Variants in DYM observed in about 807,000 individuals in gnomAD.
DYM encodes dymeclin, also known as dyggve-Melchior-Clausen syndrome protein.
A neutral mutation model predicts 93.1 loss-of-function variants in DYM; 78 were observed. The ratio of observed to expected loss-of-function variants is 0.84; its 90% CI spans 0.70 to 1.01. DYM has a LOEUF of 1.01. DYM is among the 50% of genes least tolerant of loss of function. The probability of loss-of-function intolerance (pLI) is 0.00; values close to 1 mark genes in which losing one functional copy is unlikely to be tolerated. For synonymous variants in DYM, 321 were observed against 319.7 expected (o/e 1.00, Z -0.04); for missense variants, 789 against 845.0 (o/e 0.93, Z 0.82).
chr18:49,196,127 T>C (rs2091428776), intron 14 of DYM, among the ~76,000 whole-genome samples: 1 of 152,028 alleles, frequency 6.6e-6, no homozygotes, highest in Non-Finnish European at 1.5e-5. Context: ...GGTTTCGCCA[T>C]GTTGGCCAGG....
chr18:49,276,640 A>G (rs1239798988), intron 10 of DYM, among the ~76,000 whole-genome samples: 1 of 152,198 alleles, frequency 6.6e-6, no homozygotes, highest in Non-Finnish European at 1.5e-5. Flanking sequence ...ATAAAGAATA[A>G]AAAGAACATA....
intron 13 of DYM, among the ~76,000 whole-genome samples, chr18:49,243,723 AG>A (rs1452912368): frequency 1.3e-5 from 2 of 151,688 alleles, no homozygotes. Context: ...CAGTCTCTTT[AG>A]TTTCTCAGAG....
intron 7 of DYM, among the ~76,000 whole-genome samples, chr18:49,332,859 A>C (rs1177563204): frequency 1.3e-5 from 2 of 152,194 alleles, no homozygotes; most frequent in Non-Finnish European, 2.9e-5. Flanking sequence ...TGTTTCAGCA[A>C]AGATGCACAC....
At chr18:49,356,869 G>C (rs2065615653) in intron 6 of DYM, among the ~76,000 whole-genome samples, 1 of 152,102 alleles carries the variant, frequency 6.6e-6, no homozygotes, top group Admixed American at 6.5e-5. Context: ...TTATAAATAA[G>C]ATTCTCAGTT....
At position 49,286,485 on chromosome 18, in the gene DYM, C is replaced by T; in HGVS notation, c.895G>A (p.Asp299Asn). 1.2e-6 allele frequency: 2 copies of T among 1,614,172 alleles called. No homozygotes were observed. The highest frequency in any genetic ancestry group is 1.7e-6 in the Non-Finnish European group (2 of 1,180,006). The change falls in exon 9 of 18, where the codon GAT (aspartate) becomes AAT (asparagine). Residue 299 changes from aspartate to asparagine, a missense_variant. Physicochemically the swap from Asp to Asn is conservative, Grantham distance 23. Around this residue, in one of 3 missense-constraint regions of DYM, gnomAD observed 450 missense variants for 436.2 expected, o/e 1.03. Transcript: ENST00000675505. ...GCTTGTCTGTAGGGGTTTGGCGCAT[C>T]TGAGGCATCTGTCAGATTGGCCAAC... ...LVLANLTDAS[D>N]APNPYRQAIM...
chr18:49,238,739 C>T (rs2093947271), intron 13 of DYM, among the ~76,000 whole-genome samples: 4 of 151,334 alleles, frequency 2.6e-5, no homozygotes, highest in Non-Finnish European at 4.4e-5. Context: ...TTGCAGTGAG[C>T]TGAGACCATG....
intron 6 of DYM, among the ~76,000 whole-genome samples, chr18:49,339,736 A>G (rs2063949369): frequency 6.6e-6 from 1 of 152,078 alleles, no homozygotes; most frequent in African/African-American, 2.4e-5. Flanking sequence ...CAGATCTCTG[A>G]CCCTAAAAAA....
At chr18:49,178,909 C>A (rs2089651778) in intron 14 of DYM, among the ~76,000 whole-genome samples, 1 of 152,114 alleles carries the variant, frequency 6.6e-6, no homozygotes, top group East Asian at 1.9e-4. Context: ...ATGTAACCCC[C>A]CCACCACGCC....
chr18:49,419,372 AT>A (rs1334466727), intron 2 of DYM, among the ~76,000 whole-genome samples: 4 of 151,938 alleles, frequency 2.6e-5, no homozygotes, highest in East Asian at 3.9e-4. Context: ...AATTAAAAAA[AT>A]AAAATAAAAT....
chr18:49,456,754 G>A (rs550547134), intron 1 of DYM, among the ~76,000 whole-genome samples: 6 of 152,146 alleles, frequency 3.9e-5, no homozygotes, highest in Non-Finnish European at 8.8e-5. Flanking sequence ...TAAGTAATGT[G>A]AGGATAACTT....
At chr18:49,209,861 A>G (rs928705454) in intron 13 of DYM, 146 bp from the exon 14 acceptor site, 1 of 443,678 alleles carries the variant, frequency 2.3e-6, no homozygotes, top group African/African-American at 2.1e-5. Context: ...ATAAAAAGTT[A>G]AAAAAGAAAA....
chr18:49,409,314 AAACTT>A (rs2071930886), intron 2 of DYM, among the ~76,000 whole-genome samples: 1 of 151,998 alleles, frequency 6.6e-6, no homozygotes, highest in East Asian at 1.9e-4. Context: ...AAAAAGAAAA[AAACTT>A]AGCAAATATT....
At chr18:49,251,134 A>G (rs933302302) in intron 13 of DYM, among the ~76,000 whole-genome samples, 2 of 152,242 alleles carry the variant, frequency 1.3e-5, no homozygotes, top group Non-Finnish European at 2.9e-5. Context: ...CACAGTGAAG[A>G]GCACAGGTCA....
chr18:49,130,826 G>A (rs577208559), intron 15 of DYM, among the ~76,000 whole-genome samples: 1 of 152,126 alleles, frequency 6.6e-6, no homozygotes, highest in Non-Finnish European at 1.5e-5. Context: ...AGTACAAGGC[G>A]CTATGGGAGC....
chr18:49,414,979 C>CA (rs879849036), intron 2 of DYM, among the ~76,000 whole-genome samples: 4 of 151,754 alleles, frequency 2.6e-5, no homozygotes, highest in African/African-American at 7.3e-5. Flanking sequence ...GTATATTAAT[C>CA]AAAAAAATAC....
At chr18:49,066,666 T>C (rs2076414102) in intron 17 of DYM, among the ~76,000 whole-genome samples, 1 of 152,220 alleles carries the variant, frequency 6.6e-6, no homozygotes, top group Admixed American at 6.5e-5. Flanking sequence ...TGTTCGACTT[T>C]AGCAGATAAG....
At chr18:49,132,451 G>A (rs1233557678) in intron 15 of DYM, among the ~76,000 whole-genome samples, 1 of 151,996 alleles carries the variant, frequency 6.6e-6, no homozygotes, top group Non-Finnish European at 1.5e-5. Flanking sequence ...CATGAAAAAA[G>A]GGAAAAATCT....
At chr18:49,107,685 T>G (rs1010200485) in intron 16 of DYM, among the ~76,000 whole-genome samples, 2 of 152,196 alleles carry the variant, frequency 1.3e-5, no homozygotes, top group Non-Finnish European at 2.9e-5. Context: ...AGACGCTGTT[T>G]GCCTGGGTAT....
At chr18:49,080,054 G>A (rs1429023187) in intron 17 of DYM, among the ~76,000 whole-genome samples, 1 of 148,080 alleles carries the variant, frequency 6.8e-6, no homozygotes, top group African/African-American at 2.5e-5. Flanking sequence ...TCCTAGTAGG[G>A]GTGGCCGGGC....
Sources: gnomAD v4.1 joint callset for allele counts (sites outside exome capture counted in the v4.1 genomes callset) on GRCh38, gnomAD v4.1.1 for gene constraint, gnomAD v4.1.1 regional missense constraint, MANE v1.5 for transcripts, NCBI Gene and HGNC (gene_info 2026-07-23, HGNC 2026-07-21) for gene names.